UBXN2A: variants seen among roughly 807,000 people sequenced by gnomAD.
UBXN2A encodes the protein UBX domain protein 2A, also known as UBX domain-containing protein 2A.
UBXN2A carries 28 observed loss-of-function variants against 28.4 expected under a neutral mutation model. The observed-to-expected ratio is 0.99, with a 90% CI of 0.73 to 1.35. UBXN2A has a LOEUF of 1.35. Ranked by LOEUF, UBXN2A falls within the 40% of genes most tolerant of loss-of-function variation. The probability of loss-of-function intolerance (pLI) is 0.00; values close to 1 mark genes in which losing one functional copy is unlikely to be tolerated. For missense variants in UBXN2A, 253 were observed against 297.9 expected (o/e 0.85, Z 1.11); for synonymous variants, 97 against 103.6 (o/e 0.94, Z 0.39).
chr2:23,984,779 A>T lies in UBXN2A; in HGVS notation c.532A>T (p.Ile178Phe). 1.9e-6 allele frequency: 3 copies of T among 1,566,420 alleles called. No individual in the cohort carries two copies. The highest frequency in any genetic ancestry group is 2.6e-6 in the Non-Finnish European group (3 of 1,166,042). The part of the protein sequence containing the change: ...NNLEPITNIQ[I>F]WLANGKRIVQ... ...CTTGGAACCCATTACTAATATACAG[A>T]TCTGGTTGGCCAATGGAAAAAGGAT... Residue 178 changes from isoleucine (I) to phenylalanine (F), a missense_variant, in exon 6 of 7, where the codon ATC (isoleucine) becomes TTC (phenylalanine). By Grantham distance (21) the Ile-to-Phe change is conservative. Transcript: ENST00000309033.
chr2:23,990,278 T>C (rs1449645698), intron 6 of UBXN2A, among the ~76,000 whole-genome samples: 4 of 151,692 alleles, frequency 2.6e-5, no homozygotes, highest in East Asian at 3.9e-4. Flanking sequence ...TAAGATGCTC[T>C]CCTCACCACT....
chr2:23,982,846 GAAATA>G (rs1427449930), intron 4 of UBXN2A, 45 bp from the exon 5 acceptor site: 11 of 1,530,314 alleles, frequency 7.2e-6, no homozygotes, highest in Admixed American at 4.3e-5. Context: ...GTTTTTCAGA[GAAATA>G]AAATACATTG....
intron 6 of UBXN2A, among the ~76,000 whole-genome samples, chr2:23,995,686 C>G (rs1174858551): frequency 6.9e-6 from 1 of 145,602 alleles, no homozygotes; most frequent in Non-Finnish European, 1.5e-5. Flanking sequence ...GAGCAAGACT[C>G]TGTCTCAAAA....
At chr2:23,944,499 C>T in intron 1 of UBXN2A, 1 of 607,510 alleles carries the variant, frequency 1.6e-6, no homozygotes, top group South Asian at 1.7e-5. Context: ...CAGTACAGTA[C>T]CTTGTAGACC....
At chr2:23,997,574 C>T (rs1465754162) in intron 6 of UBXN2A, among the ~76,000 whole-genome samples, 1 of 151,808 alleles carries the variant, frequency 6.6e-6, no homozygotes, top group Admixed American at 6.6e-5. Flanking sequence ...GCCTCAGCCT[C>T]CTAAGTACCT....
At chr2:23,940,902 C>A (rs1240528302) in intron 1 of UBXN2A, among the ~76,000 whole-genome samples, 1 of 152,094 alleles carries the variant, frequency 6.6e-6, no homozygotes, top group African/African-American at 2.4e-5. Context: ...GCTTGACTTG[C>A]GAGCTAGCTG....
chr2:23,982,860 T>C (rs1707967802), intron 4 of UBXN2A, 36 bp from the exon 5 acceptor site: 1 of 1,565,410 alleles, frequency 6.4e-7, no homozygotes, highest in Non-Finnish European at 8.6e-7. Flanking sequence ...TAAAATACAT[T>C]GGGAGCTTTA....
At chr2:23,946,753 C>T (rs546660901) in intron 1 of UBXN2A, among the ~76,000 whole-genome samples, 1 of 152,106 alleles carries the variant, frequency 6.6e-6, no homozygotes, top group Non-Finnish European at 1.5e-5. Context: ...CCGCACCCAG[C>T]CCTATTTAAT....
intron 2 of UBXN2A, among the ~76,000 whole-genome samples, chr2:23,961,296 A>G (rs1028021698): frequency 2.0e-5 from 3 of 151,394 alleles, no homozygotes; most frequent in Non-Finnish European, 2.9e-5. Flanking sequence ...GGGTTTCACC[A>G]TGTTGTCCAG....
At chr2:23,938,153 C>T (rs566192474), upstream of UBXN2A, among the ~76,000 whole-genome samples, 18 of 152,178 alleles carry the variant, frequency 1.2e-4, no homozygotes, top group African/African-American at 3.4e-4. Flanking sequence ...AGTGAGTCAT[C>T]GCACCAGTAT....
At chr2:23,958,800 C>T (rs12623521) in intron 2 of UBXN2A, among the ~76,000 whole-genome samples, 28,352 of 152,010 alleles carry the variant, frequency 0.19, 2,742 homozygotes, top group Middle Eastern at 0.26. Flanking sequence ...AATAAGGATA[C>T]AAATACCTAC....
chr2:23,948,505 G>A (rs558046984), intron 1 of UBXN2A, among the ~76,000 whole-genome samples: 10 of 150,192 alleles, frequency 6.7e-5, no homozygotes, highest in African/African-American at 2.2e-4. Flanking sequence ...TGCCCACCTC[G>A]GCCTCCCAAA....
intron 6 of UBXN2A, among the ~76,000 whole-genome samples, chr2:23,997,610 G>C (rs1708589053): frequency 6.6e-6 from 1 of 151,230 alleles, no homozygotes; most frequent in Admixed American, 6.6e-5. Context: ...ACCACACCCA[G>C]CTAGTTTTTG....
chr2:23,960,761 T>A (rs571199824), intron 2 of UBXN2A, among the ~76,000 whole-genome samples: 1 of 151,812 alleles, frequency 6.6e-6, no homozygotes, highest in Non-Finnish European at 1.5e-5. Flanking sequence ...GCCTCCCGAG[T>A]GGCTGAGATT....
At chr2:23,927,569 A>C (rs910045189) in exon 1 of UBXN2A, 3 of 144,576 alleles carry the variant, frequency 2.1e-5, no homozygotes, top group Non-Finnish European at 3.1e-5. Flanking sequence ...AATGAGAATG[A>C]CAGCTGTGAT....
In UBXN2A at chr2:23,958,261, A is replaced by G. The variant is rs1260319307; in HGVS notation, c.-14-40A>G. ...TGGTAACTTACATATTAAGCTTTTT[A>G]CTTACTTTCTTTTTACTTACTTTCT... is the stretch of plus-strand genomic sequence containing the variant. On this transcript the variant is annotated intron_variant, in intron 1 of 6. Coordinates refer to ENST00000309033, the MANE Select transcript of UBXN2A (RefSeq NM_181713.4). 8 of 1,536,544 alleles carry G rather than the reference A, an allele frequency of 5.2e-6. No individual in the cohort carries two copies. The Admixed American group carries it at 1.2e-4, about 23-fold the overall frequency.
intron 1 of UBXN2A, among the ~76,000 whole-genome samples, chr2:23,949,452 T>C (rs1429564249): frequency 1.3e-5 from 2 of 151,466 alleles, no homozygotes; most frequent in East Asian, 3.9e-4. Context: ...ATGCCTGTAG[T>C]CCCCAGCTAC....
chr2:23,937,376 C>T (rs1474895153), upstream of UBXN2A, among the ~76,000 whole-genome samples: 1 of 152,092 alleles, frequency 6.6e-6, no homozygotes, highest in Non-Finnish European at 1.5e-5. Flanking sequence ...GAAACTCCAT[C>T]TCTACAAAAA....
chr2:23,993,806 G>C (rs1391337704), intron 6 of UBXN2A, among the ~76,000 whole-genome samples: 2 of 150,858 alleles, frequency 1.3e-5, no homozygotes, highest in Admixed American at 1.3e-4. Flanking sequence ...TCCTGTCTCA[G>C]CTTCCCAAGT....
Sources: allele counts gnomAD v4.1 joint callset (sites outside exome capture counted in the v4.1 genomes callset), GRCh38; gene constraint gnomAD v4.1.1; transcripts MANE v1.5; gene names NCBI Gene and HGNC (gene_info 2026-07-23, HGNC 2026-07-21).